Variants in FBXO10 observed in about 807,000 individuals in gnomAD.
The protein encoded by FBXO10 is F-box only protein 10.
In FBXO10, 39 loss-of-function variants were observed where a neutral mutation model predicts 80.7. The ratio of observed to expected loss-of-function variants is 0.48; its 90% confidence interval spans 0.37 to 0.63. FBXO10 has a LOEUF of 0.63. FBXO10 is among the 30% of genes least tolerant of loss of function. FBXO10 has a pLI of 0.00. For synonymous variants in FBXO10, 449 were observed against 489.6 expected (o/e 0.92, Z 1.09); for missense variants, 1,025 against 1,269.0 (o/e 0.81, Z 2.92).
Position 37,518,572 on chromosome 9 carries a change from C to T in FBXO10, c.2201-134G>A, listed in dbSNP as rs549159482. The T allele has an allele frequency of 1.1e-4, 79 of 737,140 alleles. No homozygotes were observed. In the African/African-American group the frequency reaches 1.3e-3, roughly 12 times the overall value. The allele number at this position is 737,140 out of a possible 1,614,324, so 45.7% of individuals were successfully genotyped here. On this transcript the variant is annotated intron_variant, in intron 8 of 10. Transcript: ENST00000432825. ...AAGAAGAGGTACCAACACTCAGAAA[C>T]AACCCTTGAGTTTGCGTCTTCCAAG...
rs1168910832 is a variant in FBXO10 at position 37,562,843 on chromosome 9, A to G, written c.-7+13368T>C. Reference sequence around the variant, plus strand: ...CACCTTGTGAGTCAGTGGGAATCAGATAAAGACCCTGCTCTCAAGTCTGGC... The same window carrying G: ...CACCTTGTGAGTCAGTGGGAATCAGGTAAAGACCCTGCTCTCAAGTCTGGC... On this transcript the variant is annotated intron_variant, in intron 1 of 10. Transcript: ENST00000432825. 2.0e-5 allele frequency among the ~76,000 whole-genome samples: 3 copies of G among 152,252 alleles called. No individual in the cohort carries two copies. In the East Asian group the frequency reaches 5.8e-4, roughly 29 times the overall value.
chr9:37,538,708 C>CAA (rs34975108), intron 2 of FBXO10, among the ~76,000 whole-genome samples: 7,789 of 69,486 alleles, frequency 0.11, 670 homozygotes, highest in African/African-American at 0.26. Flanking sequence ...ACTCGGTGTC[C>CAA]AAAAAAAAAA....
At chr9:37,519,146 T>A (rs913669039) in intron 8 of FBXO10, among the ~76,000 whole-genome samples, 5 of 152,154 alleles carry the variant, frequency 3.3e-5, no homozygotes, top group African/African-American at 1.2e-4. Flanking sequence ...CCTGACCTCG[T>A]GATCCACCTG....
At chr9:37,550,448 G>A (rs1179155546) in intron 1 of FBXO10, among the ~76,000 whole-genome samples, 1 of 148,348 alleles carries the variant, frequency 6.7e-6, no homozygotes, top group Non-Finnish European at 1.5e-5. Context: ...GCCTCCTAAA[G>A]TGCTGGGATT....
In FBXO10 at chr9:37,537,946, G is replaced by C. The variant is rs756630786; in HGVS notation, c.586-3C>G. ...AACTGGACGTGACCTGATGTTGTCT[G>C]GGGAATGAAAAGAAGAAAACGGCTG... On this transcript the variant is annotated splice_polypyrimidine_tract_variant and splice_region_variant and intron_variant, in intron 2 of 10. Coordinates refer to ENST00000432825, the MANE Select transcript of FBXO10 (RefSeq NM_012166.3). 2.5e-6 allele frequency: 4 copies of C among 1,610,590 alleles called. No homozygotes were observed. In the Admixed American group the frequency reaches 6.7e-5, roughly 27 times the overall value.
intron 9 of FBXO10, 78 bp from the exon 10 acceptor site, chr9:37,516,163 G>C (rs1303281090): frequency 1.4e-6 from 2 of 1,468,520 alleles, no homozygotes; most frequent in East Asian, 4.7e-5. Context: ...TGAATTATCA[G>C]TTCTAAAACC....
chr9:37,520,313 C>CTTTT (rs11309075), intron 8 of FBXO10, among the ~76,000 whole-genome samples: 3 of 110,936 alleles, frequency 2.7e-5, no homozygotes, highest in African/African-American at 7.1e-5. Context: ...CTTCTACCAT[C>CTTTT]TTTTTTTTTT....
chr9:37,554,931 T>C (rs1419345728), intron 1 of FBXO10, among the ~76,000 whole-genome samples: 1 of 152,218 alleles, frequency 6.6e-6, no homozygotes, highest in African/African-American at 2.4e-5. Flanking sequence ...TGGACACGTT[T>C]TAATTTTTCT....
chr9:37,527,548 A>T (rs1326137852), intron 5 of FBXO10, among the ~76,000 whole-genome samples: 3 of 152,028 alleles, frequency 2.0e-5, no homozygotes, highest in African/African-American at 7.2e-5. Flanking sequence ...TTCAAGCACA[A>T]CTCAAATGTC....
At chr9:37,532,151 G>A in intron 3 of FBXO10, 93 bp from the exon 4 acceptor site, 1 of 1,368,426 alleles carries the variant, frequency 7.3e-7, no homozygotes, top group East Asian at 2.6e-5. Flanking sequence ...CGCACCACCT[G>A]ATCCATGCAG....
rs770787021 is a variant in FBXO10 at position 37,532,062 on chromosome 9, A to C, written c.1420-4T>G. ...TGTCGTTCCTGAGCATGATGATCTA[A>C]GCAGAAAAGAGAAAGCCATTTATTT... On this transcript the variant is annotated splice_polypyrimidine_tract_variant and splice_region_variant and intron_variant, in intron 3 of 10. Transcript: ENST00000432825. 6.2e-7 allele frequency: 1 copy of C among 1,612,016 alleles called. No individual in the cohort carries two copies. The highest frequency in any genetic ancestry group is 2.2e-5 in the East Asian group (1 of 44,852).
At chr9:37,542,671 G>A (rs1426464803) in intron 1 of FBXO10, among the ~76,000 whole-genome samples, 1 of 151,216 alleles carries the variant, frequency 6.6e-6, no homozygotes, top group Non-Finnish European at 1.5e-5. Flanking sequence ...TCTGGTATAA[G>A]AGCCAAACAG....
chr9:37,570,037 G>A (rs1270278190), intron 1 of FBXO10, among the ~76,000 whole-genome samples: 2 of 152,188 alleles, frequency 1.3e-5, no homozygotes, highest in African/African-American at 4.8e-5. Context: ...AAGGCTGGGC[G>A]CAGTGGCTCA....
chr9:37,519,487 T>C (rs1297489562), intron 8 of FBXO10, among the ~76,000 whole-genome samples: 4 of 151,794 alleles, frequency 2.6e-5, no homozygotes, highest in Non-Finnish European at 4.4e-5. Flanking sequence ...GCAACAAGGG[T>C]TGGGGCAGTG....
intron 1 of FBXO10, among the ~76,000 whole-genome samples, chr9:37,575,990 C>T (rs1475043788): frequency 6.6e-6 from 1 of 152,236 alleles, no homozygotes; most frequent in Non-Finnish European, 1.5e-5. Context: ...TCTCCGTCGG[C>T]GCGCCTGAGC....
At chr9:37,539,220 T>C (rs1821856916) in intron 2 of FBXO10, among the ~76,000 whole-genome samples, 1 of 152,246 alleles carries the variant, frequency 6.6e-6, no homozygotes, top group Non-Finnish European at 1.5e-5. Flanking sequence ...ATTTCTTCCT[T>C]ATGGCTAACC....
intron 1 of FBXO10, among the ~76,000 whole-genome samples, chr9:37,565,941 G>C (rs10119802): frequency 0.041 from 6,311 of 152,284 alleles, 441 homozygotes; most frequent in African/African-American, 0.14. Flanking sequence ...GACATGTTGG[G>C]AGGTTCAGTC....
chr9:37,566,582 C>T (rs1021208402), intron 1 of FBXO10, among the ~76,000 whole-genome samples: 7 of 152,080 alleles, frequency 4.6e-5, no homozygotes, highest in African/African-American at 1.2e-4. Flanking sequence ...ACAGGCACAG[C>T]GTAAATAACT....
At chr9:37,548,015 C>G (rs183703273) in intron 1 of FBXO10, among the ~76,000 whole-genome samples, 31 of 151,898 alleles carry the variant, frequency 2.0e-4, no homozygotes, top group Non-Finnish European at 4.0e-4. Context: ...GAAGGGGTTA[C>G]GAGGGAACTT....
Sources: gnomAD v4.1 joint callset for allele counts (sites outside exome capture counted in the v4.1 genomes callset) on GRCh38, gnomAD v4.1.1 for gene constraint, MANE v1.5 for transcripts, NCBI Gene and HGNC (gene_info 2026-07-23, HGNC 2026-07-21) for gene names.